Variants in LIN7A observed in about 807,000 individuals in gnomAD.
LIN7A encodes the protein lin-7 cell polarity scaffold A, also known as protein lin-7 homolog A.
In LIN7A, 25 loss-of-function variants were observed where a neutral mutation model predicts 29.8. That is an observed-to-expected ratio of 0.84 (90% CI 0.61 to 1.17). The LOEUF (loss-of-function observed/expected upper bound fraction) is 1.17, where lower values mean the gene tolerates loss of function less well. LIN7A is among the 50% of genes most tolerant of loss of function. LIN7A has a pLI of 0.00. For synonymous variants in LIN7A, 118 were observed against 107.5 expected (o/e 1.10, Z -0.60); for missense variants, 239 against 287.0 (o/e 0.83, Z 1.21).
At chr12:80,804,664 A>G (rs1021229676) in intron 5 of LIN7A, among the ~76,000 whole-genome samples, 5 of 151,822 alleles carry the variant, frequency 3.3e-5, no homozygotes, top group African/African-American at 9.7e-5. Flanking sequence ...TCAGACTCCA[A>G]AGTAGCTGGG....
intron 2 of LIN7A, among the ~76,000 whole-genome samples, chr12:80,872,307 C>T (rs905564132): frequency 6.6e-6 from 1 of 152,092 alleles, no homozygotes; most frequent in Non-Finnish European, 1.5e-5. Context: ...CCTCCCTCAG[C>T]TATAATGATG....
chr12:80,852,892 A>T (rs949385021), intron 2 of LIN7A, among the ~76,000 whole-genome samples: 1 of 152,172 alleles, frequency 6.6e-6, no homozygotes, highest in African/African-American at 2.4e-5. Flanking sequence ...GCAGGTGAGA[A>T]GCTGCTGGGA....
Position 80,882,287 on chromosome 12 carries a change from C to CTTTTTTTTTTTTTTTTTTTTT in LIN7A, c.201+6963_201+6964insAAAAAAAAAAAAAAAAAAAAA, listed in dbSNP as rs56000415. On this transcript the variant is annotated intron_variant, in intron 2 of 5. Transcript: ENST00000552864. ...ACAGTACTATCATTTTTCTTTCATT[C>CTTTTTTTTTTTTTTTTTTTTT]TTTTTTTTTTTTTTTGAGACGGAGT... Among the ~76,000 whole-genome samples, 364 of 87,660 alleles carry CTTTTTTTTTTTTTTTTTTTTT rather than the reference C, an allele frequency of 4.2e-3. 67 individuals carry two copies. The highest frequency in any genetic ancestry group is 8.6e-3 in the Non-Finnish European group (301 of 34,994). 57.5% of individuals were successfully genotyped at this position (87,660 alleles called of 152,430 possible). A position where few individuals can be genotyped will look rare whatever the true frequency, so the allele number is the denominator to read the frequency against.
intron 2 of LIN7A, among the ~76,000 whole-genome samples, chr12:80,880,470 AAAACTTTTG>A (rs1326614029): frequency 1.3e-5 from 2 of 152,204 alleles, no homozygotes; most frequent in African/African-American, 4.8e-5. Flanking sequence ...TTCCCAAATA[AAAACTTTTG>A]AAACTCTAGA....
intron 2 of LIN7A, among the ~76,000 whole-genome samples, chr12:80,875,502 G>A (rs936723570): frequency 7.2e-5 from 11 of 152,076 alleles, no homozygotes; most frequent in African/African-American, 2.4e-4. Flanking sequence ...AATACATAAA[G>A]AACCCTGAAA....
chr12:80,873,910 ACTG>A (rs2120518203), intron 2 of LIN7A, among the ~76,000 whole-genome samples: 1 of 146,828 alleles, frequency 6.8e-6, no homozygotes, highest in Admixed American at 6.8e-5. Context: ...CTCTTAAATT[ACTG>A]CTATTTTGCC....
chr12:80,863,942 G>A (rs1433072283), intron 2 of LIN7A, among the ~76,000 whole-genome samples: 24 of 151,906 alleles, frequency 1.6e-4, no homozygotes, highest in African/African-American at 5.3e-4. Context: ...TTGAAGAAAA[G>A]GCAGCACCAA....
rs866773121 is a variant in LIN7A at position 80,794,996 on chromosome 12, C to T, written c.*2731G>A. 6.6e-6 allele frequency: 1 copy of T among 152,102 alleles called. No homozygotes were observed. Among genetic ancestry groups the T allele is most frequent in the Non-Finnish European group, 1.5e-5 (1 of 67,982 alleles). 9.4% of individuals were successfully genotyped at this position (152,102 alleles called of 1,614,324 possible). A position where few individuals can be genotyped will look rare whatever the true frequency, so the allele number is the denominator to read the frequency against. On this transcript the variant is annotated 3_prime_UTR_variant, in exon 6 of 6. Transcript: ENST00000552864. ...CTAAAAAAGGGAAAAAATTAAATTTCACCAGGATTTCTGGTGATATCGTAG... is the reference window on the plus strand; with the variant it reads ...CTAAAAAAGGGAAAAAATTAAATTTTACCAGGATTTCTGGTGATATCGTAG...
At chr12:80,820,657 A>ACACACACACACC (rs1555222253) in intron 4 of LIN7A, among the ~76,000 whole-genome samples, 2 of 151,768 alleles carry the variant, frequency 1.3e-5, no homozygotes, top group African/African-American at 4.8e-5. Flanking sequence ...ACACACACAC[A>ACACACACACACC]CCCATCTTCA....
chr12:80,800,154 C>T (rs1870645153), intron 5 of LIN7A, among the ~76,000 whole-genome samples: 1 of 152,062 alleles, frequency 6.6e-6, no homozygotes, highest in Admixed American at 6.6e-5. Flanking sequence ...AACTTTATAT[C>T]CACCATTTTG....
chr12:80,819,708 C>G (rs1871702796), intron 4 of LIN7A, among the ~76,000 whole-genome samples: 1 of 147,690 alleles, frequency 6.8e-6, no homozygotes, highest in Admixed American at 6.7e-5. Context: ...CTTTCCTTGT[C>G]TGTAAATTGG....
chr12:80,931,615 G>A (rs1416389273), intron 1 of LIN7A, among the ~76,000 whole-genome samples: 2 of 149,840 alleles, frequency 1.3e-5, no homozygotes, highest in African/African-American at 5.0e-5. Context: ...TCCTGCCTGG[G>A]CAACAGGGCA....
intron 2 of LIN7A, among the ~76,000 whole-genome samples, chr12:80,873,998 C>T (rs1470123161): frequency 6.6e-6 from 1 of 151,782 alleles, no homozygotes; most frequent in African/African-American, 2.4e-5. Context: ...GCAAAGTACT[C>T]TTGGGCTGGA....
intron 2 of LIN7A, among the ~76,000 whole-genome samples, chr12:80,868,081 A>G (rs4519149): frequency 0.77 from 116,991 of 152,168 alleles, 45,872 homozygotes; most frequent in East Asian, 0.97. Flanking sequence ...GTGAAATAAC[A>G]GATGATTAGC....
At chr12:80,863,480 A>G (rs765035958) in intron 2 of LIN7A, among the ~76,000 whole-genome samples, 3 of 152,192 alleles carry the variant, frequency 2.0e-5, no homozygotes, top group Non-Finnish European at 4.4e-5. Flanking sequence ...GCCAAGCCGC[A>G]ATTAACCATA....
chr12:80,893,115 G>T (rs1341294086), intron 1 of LIN7A, among the ~76,000 whole-genome samples: 1 of 152,156 alleles, frequency 6.6e-6, no homozygotes, highest in African/African-American at 2.4e-5. Flanking sequence ...TGAATGAAAT[G>T]ATTTTTTTAG....
intron 1 of LIN7A, among the ~76,000 whole-genome samples, chr12:80,928,319 C>T (rs1395806992): frequency 3.9e-5 from 6 of 152,274 alleles, no homozygotes; most frequent in African/African-American, 1.2e-4. Context: ...TTTACACTCC[C>T]ACCAAGAGTG....
intron 4 of LIN7A, among the ~76,000 whole-genome samples, chr12:80,829,227 G>A (rs537058364): frequency 6.6e-6 from 1 of 152,146 alleles, no homozygotes; most frequent in Non-Finnish European, 1.5e-5. Context: ...GGTAACTCAG[G>A]TGAAATGAAG....
At chr12:80,869,490 A>G (rs887490647) in intron 2 of LIN7A, among the ~76,000 whole-genome samples, 1 of 152,080 alleles carries the variant, frequency 6.6e-6, no homozygotes, top group Non-Finnish European at 1.5e-5. Context: ...GCACCACAGG[A>G]GAGGCTTGGC....
Sources: gnomAD v4.1 joint callset for allele counts (sites outside exome capture counted in the v4.1 genomes callset) on GRCh38, gnomAD v4.1.1 for gene constraint, MANE v1.5 for transcripts, NCBI Gene and HGNC (gene_info 2026-07-23, HGNC 2026-07-21) for gene names.